CACNA1D: variants seen among roughly 807,000 people sequenced by gnomAD.
The protein encoded by CACNA1D is calcium voltage-gated channel subunit alpha1 D.
A neutral mutation model predicts 257.1 loss-of-function variants in CACNA1D; 55 were observed. That is an observed-to-expected ratio of 0.21 (90% CI 0.17 to 0.27). The LOEUF (loss-of-function observed/expected upper bound fraction) is 0.27, where lower values mean the gene tolerates loss of function less well. Among genes scored for constraint, CACNA1D ranks in the 10% least tolerant of loss-of-function variants. The probability of loss-of-function intolerance (pLI) is 1.00; values close to 1 mark genes in which losing one functional copy is unlikely to be tolerated. For missense variants in CACNA1D, 1,876 were observed against 2,784.0 expected (o/e 0.67, Z 7.34); for synonymous variants, 980 against 1,014.9 (o/e 0.97, Z 0.65).
At chr3:53,753,158 TA>T (rs1210120085) in intron 28 of CACNA1D, among the ~76,000 whole-genome samples, 2 of 152,148 alleles carry the variant, frequency 1.3e-5, no homozygotes, top group Non-Finnish European at 2.9e-5. Context: ...GAAGAAAGTG[TA>T]AAATCAAGAA....
chr3:53,522,743 G>T (rs777914995), intron 3 of CACNA1D, among the ~76,000 whole-genome samples: 4 of 152,094 alleles, frequency 2.6e-5, no homozygotes, highest in Non-Finnish European at 5.9e-5. Context: ...GGTAATTAGG[G>T]TATCCGCCAC....
At chr3:53,752,641 C>T (rs530087416) in intron 28 of CACNA1D, among the ~76,000 whole-genome samples, 4 of 152,320 alleles carry the variant, frequency 2.6e-5, no homozygotes, top group East Asian at 1.9e-4. Flanking sequence ...TCAGGTGATC[C>T]GTTGCCTCAG....
intron 3 of CACNA1D, among the ~76,000 whole-genome samples, chr3:53,545,290 G>A (rs557827264): frequency 2.4e-4 from 37 of 152,322 alleles, no homozygotes; most frequent in African/African-American, 8.7e-4. Context: ...GTAATGGGCC[G>A]ATGATGATTC....
intron 39 of CACNA1D, among the ~76,000 whole-genome samples, chr3:53,785,021 T>C (rs1174256601): frequency 6.6e-6 from 1 of 152,092 alleles, no homozygotes; most frequent in Admixed American, 6.5e-5. Context: ...GTCAGAGTTG[T>C]GAAGAGGCCA....
intron 3 of CACNA1D, among the ~76,000 whole-genome samples, chr3:53,638,103 A>C (rs1042102033): frequency 4.6e-5 from 7 of 152,216 alleles, no homozygotes; most frequent in African/African-American, 1.7e-4. Flanking sequence ...AGTTTCTCTG[A>C]TGAGATGAGT....
chr3:53,555,462 T>TTC (rs2092625067), intron 3 of CACNA1D, among the ~76,000 whole-genome samples: 1 of 97,778 alleles, frequency 1.0e-5, no homozygotes, highest in African/African-American at 4.3e-5. Context: ...GTGTGTGTGT[T>TTC]TTTTTTTTTT....
intron 30 of CACNA1D, among the ~76,000 whole-genome samples, chr3:53,763,185 G>C (rs1337437517): frequency 6.6e-6 from 1 of 152,250 alleles, no homozygotes; most frequent in Non-Finnish European, 1.5e-5. Flanking sequence ...ATGCCAGCCA[G>C]TGGAAGGCTG....
chr3:53,800,242 G>T lies in CACNA1D; in HGVS notation c.4924-7G>T. The T allele has an allele frequency of 6.2e-7, 1 of 1,601,958 alleles. No individual in the cohort carries two copies. Among genetic ancestry groups the T allele is most frequent in the Non-Finnish European group, 8.6e-7 (1 of 1,168,872 alleles). On this transcript the variant is annotated splice_region_variant and splice_polypyrimidine_tract_variant and intron_variant, in intron 40 of 47. Coordinates refer to ENST00000350061, the MANE Select transcript of CACNA1D (RefSeq NM_001128840.3). This position sits in a 1 kb window ranked among gnomAD's most constrained non-coding sequence, Gnocchi z 4.3. The stretch of plus-strand genomic sequence containing the variant: ...TCTAACCTGTTCTGCCATTTTCATT[G>T]ATCTAGGCGGGATTAAGGACACTGC...
rs2095228945 is a variant in CACNA1D, at chr3:53,751,821, A to C, written c.3589A>C (p.Lys1197Gln). ...RYIPKNPYQY[K>Q]FWYVVNSSPF... ...CATCCCCAAAAACCCCTACCAGTAC[A>C]AGTTCTGGTACGTGGTGAACTCTTC... Residue 1197 changes from lysine (K) to glutamine (Q), a missense_variant, in exon 28 of 48, where the codon AAG becomes CAG. Physicochemically the swap from Lys to Gln is moderately conservative, Grantham distance 53. Coordinates refer to ENST00000350061, the MANE Select transcript of CACNA1D (RefSeq NM_001128840.3). This position sits in a 1 kb window ranked among gnomAD's most constrained non-coding sequence, Gnocchi z 4.3. The C allele has an allele frequency of 6.2e-7, 1 of 1,612,400 alleles. No homozygotes were observed. Among genetic ancestry groups the C allele is most frequent in the South Asian group, 1.1e-5 (1 of 91,066 alleles).
intron 40 of CACNA1D, among the ~76,000 whole-genome samples, chr3:53,790,005 C>T (rs901628493): frequency 2.2e-4 from 34 of 152,204 alleles, no homozygotes; most frequent in Admixed American, 9.2e-4. Context: ...TGTGCAGTTT[C>T]CATCCTTCCA....
At chr3:53,607,026 T>C (rs1559908753) in intron 3 of CACNA1D, among the ~76,000 whole-genome samples, 1 of 152,264 alleles carries the variant, frequency 6.6e-6, no homozygotes, top group Non-Finnish European at 1.5e-5. Context: ...TGTTTATCCC[T>C]GTACCTGCTG....
intron 3 of CACNA1D, among the ~76,000 whole-genome samples, chr3:53,645,298 T>C (rs762741621): frequency 2.0e-5 from 3 of 152,174 alleles, no homozygotes; most frequent in Non-Finnish European, 2.9e-5. Context: ...TTTCCCTTTG[T>C]TGTGTGTAAG....
chr3:53,578,616 G>A (rs938850711), intron 3 of CACNA1D, among the ~76,000 whole-genome samples: 5 of 152,078 alleles, frequency 3.3e-5, no homozygotes, highest in African/African-American at 7.2e-5. Flanking sequence ...TTCTGGAGGC[G>A]GAGGTCTACA....
chr3:53,798,876 T>G (rs3774609), intron 40 of CACNA1D, among the ~76,000 whole-genome samples: 77,674 of 152,022 alleles, frequency 0.51, 22,523 homozygotes, highest in African/African-American at 0.8. Flanking sequence ...CTGAACCACT[T>G]CTGGGCATCT....
At chr3:53,787,009 T>C in intron 40 of CACNA1D, 57 bp downstream of exon 40, 1 of 1,579,332 alleles carries the variant, frequency 6.3e-7, no homozygotes, top group Non-Finnish European at 8.7e-7. Flanking sequence ...CAAGCTTATT[T>C]GAAATACTAG....
chr3:53,655,468 C>T (rs567773106), intron 4 of CACNA1D, among the ~76,000 whole-genome samples: 134 of 152,274 alleles, frequency 8.8e-4, no homozygotes, highest in African/African-American at 3.1e-3. Flanking sequence ...TCTGCAACCT[C>T]GTCAGCATCT....
At position 53,803,519 on chromosome 3, in the gene CACNA1D, G is replaced by A. The variant is rs1022404639; in HGVS notation, c.5532G>A (p.Glu1844=). The change falls in exon 44 of 48, where the codon GAG becomes GAA. Residue 1844 remains glutamate, a synonymous_variant. Coordinates refer to ENST00000350061, the MANE Select transcript of CACNA1D (RefSeq NM_001128840.3). ...FRDPHCLGEQ[E]YFSSEECYED... ...ACCCCCACTGCTTGGGGGAGCAGGA[G>A]TATTTCAGTAGTGAGGAATGCTACG... 2.5e-6 allele frequency: 4 copies of A among 1,614,016 alleles called. No homozygotes were observed. The African/African-American group carries it at 5.3e-5, about 22-fold the overall frequency.
chr3:53,577,387 C>T (rs1458290294), intron 3 of CACNA1D, among the ~76,000 whole-genome samples: 2 of 152,122 alleles, frequency 1.3e-5, no homozygotes, highest in Non-Finnish European at 2.9e-5. Flanking sequence ...TGGCTTTCTC[C>T]TAGGATGTGG....
At chr3:53,517,792 A>G (rs1474439290) in intron 3 of CACNA1D, among the ~76,000 whole-genome samples, 1 of 152,024 alleles carries the variant, frequency 6.6e-6, no homozygotes, top group East Asian at 1.9e-4. Flanking sequence ...ATGCATCACG[A>G]TTTTCAAAGG....
Sources: gnomAD v4.1 joint callset for allele counts (sites outside exome capture counted in the v4.1 genomes callset) on GRCh38, gnomAD v4.1.1 for gene constraint, Gnocchi (gnomAD v3.1) non-coding constraint, MANE v1.5 for transcripts, NCBI Gene and HGNC (gene_info 2026-07-23, HGNC 2026-07-21) for gene names.